Variants in ARHGAP26 observed in about 807,000 individuals in gnomAD.
ARHGAP26 encodes rho GTPase-activating protein 26.
A neutral mutation model predicts 104.8 loss-of-function variants in ARHGAP26; 38 were observed. That is an observed-to-expected ratio of 0.36 (90% CI 0.28 to 0.48). The LOEUF is 0.48. ARHGAP26 is among the 20% of genes least tolerant of loss of function. ARHGAP26 has a pLI of 0.99. For synonymous variants in ARHGAP26, 341 were observed against 340.0 expected, an observed-to-expected ratio of 1.00 and a Z score of -0.03; for missense variants, 704 against 947.9, an observed-to-expected ratio of 0.74 and a Z score of 3.38.
intron 17 of ARHGAP26, among the ~76,000 whole-genome samples, chr5:143,094,866 A>G (rs1792076075): frequency 6.6e-6 from 1 of 152,114 alleles, no homozygotes; most frequent in Non-Finnish European, 1.5e-5. Flanking sequence ...GTCGGGGTGG[A>G]GCAGGTAATC....
At chr5:143,216,455 A>G (rs542317314) in intron 22 of ARHGAP26, 11 of 359,508 alleles carry the variant, frequency 3.1e-5, no homozygotes, top group African/African-American at 2.3e-4. Context: ...TCACGCCCTC[A>G]CTTGACATAC....
chr5:143,170,383 C>T (rs34756959), intron 20 of ARHGAP26: 1 of 152,180 alleles, frequency 6.6e-6, no homozygotes, highest in Non-Finnish European at 1.5e-5. Context: ...GCAAAAGTCT[C>T]CAACTTGTTG....
intron 1 of ARHGAP26, among the ~76,000 whole-genome samples, chr5:142,849,603 C>T (rs374781223): frequency 6.6e-6 from 1 of 152,132 alleles, no homozygotes; most frequent in East Asian, 1.9e-4. Flanking sequence ...TTCTCCTCCC[C>T]AACCAGAAGG....
chr5:143,212,546 G>T (rs928606355), intron 21 of ARHGAP26, among the ~76,000 whole-genome samples: 4 of 152,068 alleles, frequency 2.6e-5, no homozygotes, highest in Non-Finnish European at 4.4e-5. Context: ...GAATACTAAG[G>T]ACTCTTCTTT....
intron 11 of ARHGAP26, among the ~76,000 whole-genome samples, chr5:142,941,169 C>A (rs1375159429): frequency 7.0e-6 from 1 of 142,594 alleles, no homozygotes; most frequent in Non-Finnish European, 1.5e-5. Flanking sequence ...GTTTTAAGTT[C>A]TTTGAGGAAT....
chr5:142,914,128 TG>T (rs1041196205), intron 10 of ARHGAP26, among the ~76,000 whole-genome samples: 1 of 152,204 alleles, frequency 6.6e-6, no homozygotes, highest in African/African-American at 2.4e-5. Flanking sequence ...CACCCCTCCC[TG>T]GGAAGTTCAT....
chr5:142,815,179 T>G (rs1316510233), intron 1 of ARHGAP26, among the ~76,000 whole-genome samples: 6 of 151,966 alleles, frequency 3.9e-5, no homozygotes, highest in Admixed American at 2.0e-4. Flanking sequence ...TTTTGTATTT[T>G]TAGTAGAGAT....
chr5:142,998,533 G>T (rs1407436191), intron 11 of ARHGAP26, among the ~76,000 whole-genome samples: 1 of 152,180 alleles, frequency 6.6e-6, no homozygotes, highest in Non-Finnish European at 1.5e-5. Flanking sequence ...CTCAGGTCCG[G>T]TGTGCTTTTG....
At chr5:143,193,271 A>G (rs1806237506) in intron 20 of ARHGAP26, among the ~76,000 whole-genome samples, 1 of 112,580 alleles carries the variant, frequency 8.9e-6, no homozygotes, top group South Asian at 2.8e-4. Context: ...TTTTTGAGGC[A>G]GAGTCTCGCT....
chr5:142,963,702 A>G (rs1319422453), intron 11 of ARHGAP26, among the ~76,000 whole-genome samples: 2 of 152,096 alleles, frequency 1.3e-5, no homozygotes, highest in Non-Finnish European at 2.9e-5. Flanking sequence ...TAAAATTAGC[A>G]CTTTCCCTCT....
At chr5:142,850,966 A>T (rs1325560614) in intron 1 of ARHGAP26, among the ~76,000 whole-genome samples, 1 of 152,234 alleles carries the variant, frequency 6.6e-6, no homozygotes, top group East Asian at 1.9e-4. Flanking sequence ...AGGCCACAGG[A>T]AGATTTTTGT....
intron 17 of ARHGAP26, among the ~76,000 whole-genome samples, chr5:143,100,204 C>G (rs997389081): frequency 1.3e-5 from 2 of 152,146 alleles, no homozygotes; most frequent in African/African-American, 4.8e-5. Context: ...CGTGAAATAT[C>G]AGGTTCAGTA....
chr5:142,894,264 G>A lies in ARHGAP26; in HGVS notation c.513G>A (p.Arg171=), dbSNP rs1420872629. ...QEADSQVDLV[R]QHFYEVSLEY... ...CAGACAGCCAAGTGGACCTGGTCCG[G>A]CAGCATTTCTATGAAGTATCCCTGG... is the stretch of plus-strand genomic sequence containing the variant. Residue 171 remains arginine, a synonymous_variant, in exon 6 of 23, where the codon CGG becomes CGA. Coordinates refer to ENST00000645722, the MANE Select transcript of ARHGAP26 (RefSeq NM_001135608.3). 7 of 1,613,822 alleles carry A rather than the reference G, an allele frequency of 4.3e-6. No individual in the cohort carries two copies. The highest frequency in any genetic ancestry group is 5.9e-6 in the Non-Finnish European group (7 of 1,179,932).
intron 1 of ARHGAP26, among the ~76,000 whole-genome samples, chr5:142,814,887 G>A (rs1764797131): frequency 6.6e-6 from 1 of 152,222 alleles, no homozygotes; most frequent in Non-Finnish European, 1.5e-5. Context: ...TTATTAGCCA[G>A]TTATTAGCCT....
intron 17 of ARHGAP26, chr5:143,103,091 G>T (rs1036791926): frequency 1.0e-5 from 2 of 197,654 alleles, no homozygotes; most frequent in Non-Finnish European, 1.8e-5. Flanking sequence ...CTTAATAGGT[G>T]TAGAGCTTTA....
intron 20 of ARHGAP26, among the ~76,000 whole-genome samples, chr5:143,167,831 T>C (rs1355517190): frequency 6.6e-6 from 1 of 152,178 alleles, no homozygotes; most frequent in Non-Finnish European, 1.5e-5. Context: ...TGACAAGAGA[T>C]AGTGGAAGCA....
intron 20 of ARHGAP26, among the ~76,000 whole-genome samples, chr5:143,198,359 G>A (rs1224753044): frequency 1.3e-5 from 2 of 152,200 alleles, no homozygotes; most frequent in African/African-American, 2.4e-5. Context: ...CACATATTGT[G>A]AAATTTTTTA....
At chr5:142,855,253 A>G (rs776826140) in intron 1 of ARHGAP26, among the ~76,000 whole-genome samples, 2 of 152,158 alleles carry the variant, frequency 1.3e-5, no homozygotes, top group African/African-American at 4.8e-5. Context: ...GACAGAGAGC[A>G]TATTTGTGTT....
At chr5:142,811,666 G>T (rs913741714) in intron 1 of ARHGAP26, among the ~76,000 whole-genome samples, 14 of 152,026 alleles carry the variant, frequency 9.2e-5, no homozygotes, top group Admixed American at 6.6e-4. Context: ...AGTAATAATA[G>T]ACTTACCTCC....
Sources: allele counts gnomAD v4.1 joint callset (sites outside exome capture counted in the v4.1 genomes callset), GRCh38; gene constraint gnomAD v4.1.1; transcripts MANE v1.5; gene names NCBI Gene and HGNC (gene_info 2026-07-23, HGNC 2026-07-21).